SDK1: variants seen among roughly 807,000 people sequenced by gnomAD.
The protein encoded by SDK1 is protein sidekick-1.
A neutral mutation model predicts 245.5 loss-of-function variants in SDK1; 157 were observed. That is an observed-to-expected ratio of 0.64 (90% CI 0.56 to 0.73). The LOEUF (loss-of-function observed/expected upper bound fraction) is 0.73. Among genes scored for constraint, SDK1 ranks in the 30% least tolerant of loss-of-function variants. The probability of loss-of-function intolerance (pLI) is 0.00; values close to 1 mark genes in which losing one functional copy is unlikely to be tolerated. For missense variants in SDK1, 3,583 were observed against 3,002.3 expected (o/e 1.19, Z -4.52); for synonymous variants, 1,647 against 1,278.5 (o/e 1.29, Z -6.15).
chr7:3,341,313 C>T (rs1206943728), intron 1 of SDK1, among the ~76,000 whole-genome samples: 1 of 152,136 alleles, frequency 6.6e-6, no homozygotes, highest in South Asian at 2.1e-4. Flanking sequence ...AACATTCATT[C>T]ATGATTAAAA....
intron 5 of SDK1, among the ~76,000 whole-genome samples, chr7:3,870,404 G>A (rs1780927900): frequency 6.6e-6 from 1 of 152,062 alleles, no homozygotes; most frequent in East Asian, 1.9e-4. Flanking sequence ...TAAGGATGTA[G>A]GTGTTATACT....
At chr7:4,098,824 CTTTTTTTTT>C (rs58678214) in intron 22 of SDK1, among the ~76,000 whole-genome samples, 2 of 82,864 alleles carry the variant, frequency 2.4e-5, no homozygotes, top group South Asian at 5.2e-4. Flanking sequence ...CCACAATGCC[CTTTTTTTTT>C]TTTTTTTTTT....
Position 3,581,187 on chromosome 7 carries a change from G to A in SDK1, c.299-37893G>A, listed in dbSNP as rs140273475. 2.6e-3 allele frequency among the ~76,000 whole-genome samples: 403 copies of A among 152,140 alleles called. 2 individuals carry two copies. The highest frequency in any genetic ancestry group is 9.2e-3 in the African/African-American group (382 of 41,504). On this transcript the variant is annotated intron_variant, in intron 1 of 44. Coordinates refer to ENST00000404826, the MANE Select transcript of SDK1 (RefSeq NM_152744.4). The stretch of plus-strand genomic sequence containing the variant: ...GAGTATGCAGACAATCTGTAGAATA[G>A]GAGAAAATATTGGCTAACTATGTAT...
At chr7:3,946,878 T>G (rs1219636555) in intron 5 of SDK1, among the ~76,000 whole-genome samples, 3 of 152,202 alleles carry the variant, frequency 2.0e-5, no homozygotes, top group Non-Finnish European at 2.9e-5. Context: ...TACAAAAGGC[T>G]ATAAACAGAA....
intron 44 of SDK1, among the ~76,000 whole-genome samples, chr7:4,247,022 G>A (rs1786913377): frequency 6.6e-6 from 1 of 152,200 alleles, no homozygotes; most frequent in Non-Finnish European, 1.5e-5. Context: ...AATTGGAGAG[G>A]TTGCCCCTTG....
rs189467817 is a variant in SDK1 at position 3,909,041 on chromosome 7, C to G, written c.848-41882C>G. ...GGGTGGGAGGAGATGAGGAAGACAG[C>G]CCCTCTGGCTGTGCCTTTTGGCCCC... On this transcript the variant is annotated intron_variant, in intron 5 of 44. Coordinates refer to ENST00000404826, the MANE Select transcript of SDK1 (RefSeq NM_152744.4). Among the ~76,000 whole-genome samples the G allele has an allele frequency of 3.7e-3, 565 of 152,232 alleles. 8 individuals carry two copies. Among genetic ancestry groups the G allele is most frequent in the African/African-American group, 0.013 (553 of 41,564 alleles).
chr7:4,001,978 T>C (rs1785110045), intron 14 of SDK1, among the ~76,000 whole-genome samples: 1 of 152,246 alleles, frequency 6.6e-6, no homozygotes, highest in South Asian at 2.1e-4. Context: ...CACATTCATC[T>C]GGGGGCCCTC....
chr7:4,120,862 C>T (rs1289344418), intron 25 of SDK1, among the ~76,000 whole-genome samples: 1 of 151,318 alleles, frequency 6.6e-6, no homozygotes, highest in Non-Finnish European at 1.5e-5. Context: ...GTTATCTGCC[C>T]AACTTGGTTT....
At chr7:3,610,620 A>T (rs76259165) in intron 1 of SDK1, among the ~76,000 whole-genome samples, 4,757 of 152,342 alleles carry the variant, frequency 0.031, 225 homozygotes, top group African/African-American at 0.1. Context: ...ATATAGCCAT[A>T]TATGTTTCTA....
At chr7:3,374,500 C>T (rs534709474) in intron 1 of SDK1, among the ~76,000 whole-genome samples, 1 of 152,148 alleles carries the variant, frequency 6.6e-6, no homozygotes, top group Non-Finnish European at 1.5e-5. Context: ...CTCTGAAAGC[C>T]CTTCAGTGGC....
At chr7:3,932,745 G>A (rs1268298855) in intron 5 of SDK1, among the ~76,000 whole-genome samples, 1 of 152,164 alleles carries the variant, frequency 6.6e-6, no homozygotes, top group East Asian at 1.9e-4. Context: ...GGCTCGTTCT[G>A]TGGCCTTGTT....
intron 2 of SDK1, among the ~76,000 whole-genome samples, chr7:3,623,981 A>G (rs1782028773): frequency 6.6e-6 from 1 of 152,184 alleles, no homozygotes; most frequent in Non-Finnish European, 1.5e-5. Flanking sequence ...TTTGTTTTAT[A>G]AAAAGGCAAA....
At position 3,800,533 on chromosome 7, in the gene SDK1, C is replaced by T. The variant is rs1231735483; in HGVS notation, c.714-20917C>T. On this transcript the variant is annotated intron_variant, in intron 4 of 44. Coordinates refer to ENST00000404826, the MANE Select transcript of SDK1 (RefSeq NM_152744.4). ...AGTAGCTTGGATTACAGGTGCCCACCACCACACCCGGCTAATTTTTTGTAT... is the reference window on the plus strand; with the variant it reads ...AGTAGCTTGGATTACAGGTGCCCACTACCACACCCGGCTAATTTTTTGTAT... Among the ~76,000 whole-genome samples, 8 of 152,062 alleles carry T rather than the reference C, an allele frequency of 5.3e-5. No individual in the cohort carries two copies. In the East Asian group the frequency reaches 1.5e-3, roughly 29 times the overall value.
chr7:4,221,943 T>A (rs959734864), intron 40 of SDK1, among the ~76,000 whole-genome samples: 2 of 152,192 alleles, frequency 1.3e-5, no homozygotes, highest in Non-Finnish European at 2.9e-5. Context: ...GAGTTTCTGA[T>A]CGGGTGCGTC....
At chr7:3,672,572 G>T (rs1783735643) in intron 4 of SDK1, among the ~76,000 whole-genome samples, 1 of 140,900 alleles carries the variant, frequency 7.1e-6, no homozygotes, top group East Asian at 2.0e-4. Flanking sequence ...TAAAGGAGAT[G>T]ATGTGGAGAA....
Position 3,713,772 on chromosome 7 carries a change from A to G in SDK1, c.713+71667A>G, listed in dbSNP as rs113509579. ...AAAACCATTCAACAATTTAATATTT[A>G]ATTGATTAAATACATGTGATTTGCT... On this transcript the variant is annotated intron_variant, in intron 4 of 44. Coordinates refer to ENST00000404826, the MANE Select transcript of SDK1 (RefSeq NM_152744.4). Among the ~76,000 whole-genome samples the G allele has an allele frequency of 3.9e-3, 600 of 152,332 alleles. 9 individuals carry two copies. The highest frequency in any genetic ancestry group is 0.014 in the African/African-American group (563 of 41,566).
At chr7:3,580,446 C>T (rs753709007) in intron 1 of SDK1, among the ~76,000 whole-genome samples, 3 of 152,128 alleles carry the variant, frequency 2.0e-5, no homozygotes, top group Non-Finnish European at 4.4e-5. Flanking sequence ...AAGACAGACA[C>T]ATAGAACAAT....
intron 1 of SDK1, among the ~76,000 whole-genome samples, chr7:3,599,094 T>G (rs975110193): frequency 9.1e-6 from 1 of 110,360 alleles, no homozygotes; most frequent in African/African-American, 5.2e-5. Context: ...ATCCACCTTT[T>G]TTTTTTTTTT....
At position 3,644,576 on chromosome 7, in the gene SDK1, C is replaced by T. The variant is rs147997334; in HGVS notation, c.713+2471C>T. 2.7e-5 allele frequency among the ~76,000 whole-genome samples: 4 copies of T among 150,828 alleles called. No individual in the cohort carries two copies. The East Asian group carries it at 5.8e-4, about 22-fold the overall frequency. On this transcript the variant is annotated intron_variant, in intron 4 of 44. Transcript: ENST00000404826. Reference sequence around the variant, plus strand: ...ATCTGGAGTTTAAAAACAGCCTGGGCAACATACTGAAACCTTATCTCTACT... The same window carrying T: ...ATCTGGAGTTTAAAAACAGCCTGGGTAACATACTGAAACCTTATCTCTACT...
Sources: allele counts gnomAD v4.1 joint callset (sites outside exome capture counted in the v4.1 genomes callset), GRCh38; gene constraint gnomAD v4.1.1; transcripts MANE v1.5; gene names NCBI Gene and HGNC (gene_info 2026-07-23, HGNC 2026-07-21).